The following PPARGC1A variants were observed in gnomAD, a reference collection of about 807,000 sequenced individuals.
PPARGC1A encodes peroxisome proliferator-activated receptor gamma coactivator 1-alpha.
PPARGC1A carries 25 observed loss-of-function variants against 88.7 expected under a neutral mutation model. That is an observed-to-expected ratio of 0.28 (90% CI 0.21 to 0.39). The LOEUF (loss-of-function observed/expected upper bound fraction) is 0.39. PPARGC1A is among the 10% of genes least tolerant of loss of function. PPARGC1A has a pLI of 1.00. For synonymous variants in PPARGC1A, 363 were observed against 355.6 expected, an observed-to-expected ratio of 1.02 and a Z score of -0.24; for missense variants, 880 against 968.7, an observed-to-expected ratio of 0.91 and a Z score of 1.22.
the PPARGC1A span, among the ~76,000 whole-genome samples, chr4:24,434,377 C>T: frequency 6.6e-6 from 1 of 152,116 alleles, no homozygotes; most frequent in Non-Finnish European, 1.5e-5. Context: ...AGTGTCACAG[C>T]TATATCAGGG....
At chr4:24,373,648 G>T in the PPARGC1A span, among the ~76,000 whole-genome samples, 1 of 152,164 alleles carries the variant, frequency 6.6e-6, no homozygotes, top group Non-Finnish European at 1.5e-5. Flanking sequence ...AAGGAACAAG[G>T]TTGTGGGTGG....
At chr4:23,943,545 A>G in the PPARGC1A span, among the ~76,000 whole-genome samples, 1 of 152,172 alleles carries the variant, frequency 6.6e-6, no homozygotes, top group African/African-American at 2.4e-5. Context: ...AGATCTATCA[A>G]TAGGTAATTG....
the PPARGC1A span, among the ~76,000 whole-genome samples, chr4:24,470,271 G>GACACACACACACACACAC: frequency 6.4e-4 from 46 of 72,016 alleles, 2 homozygotes; most frequent in South Asian, 3.8e-3. The surrounding 1 kb of genome is among the most constrained non-coding windows in gnomAD (Gnocchi z 5.8). Flanking sequence ...CTCATCGACA[G>GACACACACACACACACAC]ACACAGACAC....
At chr4:23,824,176 G>T in intron 7 of PPARGC1A, 104 bp downstream of exon 7, 24 of 876,200 alleles carry the variant, frequency 2.7e-5, no homozygotes, top group Admixed American at 4.5e-5. Flanking sequence ...TGTATTCTTT[G>T]TTAATTTCAT....
At chr4:24,002,097 CAGAGAGAG>C in the PPARGC1A span, among the ~76,000 whole-genome samples, 3 of 125,382 alleles carry the variant, frequency 2.4e-5, no homozygotes, top group African/African-American at 9.8e-5. Flanking sequence ...CACACACACA[CAGAGAGAG>C]AGAGAGAGAG....
intron 10 of PPARGC1A, among the ~76,000 whole-genome samples, chr4:23,802,602 G>A (rs764071489): frequency 6.6e-5 from 10 of 150,728 alleles, no homozygotes; most frequent in East Asian, 2.0e-4. Flanking sequence ...GCTTGAACCC[G>A]GGAGGCAGAG....
the PPARGC1A span, among the ~76,000 whole-genome samples, chr4:24,229,486 C>T: frequency 1.3e-5 from 2 of 150,976 alleles, no homozygotes; most frequent in African/African-American, 2.4e-5. Flanking sequence ...GTAATTCTAT[C>T]GTTCAGCCTG....
At chr4:24,309,552 G>T in the PPARGC1A span, among the ~76,000 whole-genome samples, 1 of 152,056 alleles carries the variant, frequency 6.6e-6, no homozygotes, top group African/African-American at 2.4e-5. Flanking sequence ...TCACTGAAAG[G>T]TTTCTACCCA....
chr4:24,075,254 T>C, the PPARGC1A span, among the ~76,000 whole-genome samples: 3 of 152,154 alleles, frequency 2.0e-5, no homozygotes, highest in Non-Finnish European at 4.4e-5. Flanking sequence ...GATCAAGCAA[T>C]CTGCCATCCT....
chr4:24,021,222 G>A, the PPARGC1A span, among the ~76,000 whole-genome samples: 8 of 152,102 alleles, frequency 5.3e-5, no homozygotes, highest in African/African-American at 1.7e-4. Flanking sequence ...AGGGGACTAC[G>A]GACCACCCAT....
chr4:24,288,009 C>T, the PPARGC1A span, among the ~76,000 whole-genome samples: 3 of 152,248 alleles, frequency 2.0e-5, no homozygotes, highest in South Asian at 4.2e-4. Flanking sequence ...CCCCCTCACC[C>T]ACCCTGGCAA....
chr4:24,249,536 C>T, the PPARGC1A span, among the ~76,000 whole-genome samples: 7 of 152,184 alleles, frequency 4.6e-5, no homozygotes, highest in African/African-American at 1.4e-4. Context: ...GGTCTCGCGC[C>T]ATGAAGACAG....
the PPARGC1A span, among the ~76,000 whole-genome samples, chr4:23,972,989 T>C: frequency 6.6e-6 from 1 of 152,174 alleles, no homozygotes; most frequent in South Asian, 2.1e-4. Context: ...TAAGCAAAGA[T>C]TAACTGCATT....
At chr4:24,163,838 T>TTTTGCTGTG in the PPARGC1A span, among the ~76,000 whole-genome samples, 1 of 152,176 alleles carries the variant, frequency 6.6e-6, no homozygotes, top group South Asian at 2.1e-4. Context: ...TTAGGCTGTG[T>TTTTGCTGTG]TTAAGACGAA....
the PPARGC1A span, among the ~76,000 whole-genome samples, chr4:24,063,726 T>C: frequency 6.6e-6 from 1 of 152,146 alleles, no homozygotes; most frequent in Non-Finnish European, 1.5e-5. Flanking sequence ...TGCAGGCAGA[T>C]GCTGTTCGAG....
the PPARGC1A span, among the ~76,000 whole-genome samples, chr4:24,437,478 G>C: frequency 2.0e-5 from 3 of 152,280 alleles, no homozygotes; most frequent in African/African-American, 7.2e-5. Flanking sequence ...TGAGTAGCCG[G>C]ACACAGTGAC....
intron 2 of PPARGC1A, among the ~76,000 whole-genome samples, chr4:23,846,411 G>T (rs1470111967): frequency 6.6e-6 from 1 of 152,148 alleles, no homozygotes; most frequent in Non-Finnish European, 1.5e-5. Context: ...ATTATACCAT[G>T]TTGCTTATCA....
chr4:24,057,366 T>C, the PPARGC1A span, among the ~76,000 whole-genome samples: 3 of 150,896 alleles, frequency 2.0e-5, no homozygotes, highest in Non-Finnish European at 4.4e-5. Flanking sequence ...GTGAAAAGAG[T>C]TCCGGAGATG....
chr4:24,387,858 AAG>A, the PPARGC1A span, among the ~76,000 whole-genome samples: 4 of 132,048 alleles, frequency 3.0e-5, no homozygotes, highest in African/African-American at 1.1e-4. Context: ...GAAAGAGAGA[AAG>A]AGAGAAAGGA....
Sources: allele counts gnomAD v4.1 joint callset (sites outside exome capture counted in the v4.1 genomes callset), GRCh38; gene constraint gnomAD v4.1.1; non-coding constraint Gnocchi (gnomAD v3.1); transcripts MANE v1.5; gene names NCBI Gene and HGNC (gene_info 2026-07-23, HGNC 2026-07-21).